Variants in KIAA0753 observed in about 807,000 individuals in gnomAD.
The protein encoded by KIAA0753 is protein moonraker.
A neutral mutation model predicts 116.9 loss-of-function variants in KIAA0753; 114 were observed. The ratio of observed to expected loss-of-function variants is 0.98; its 90% confidence interval spans 0.84 to 1.14. KIAA0753 has a LOEUF of 1.14. KIAA0753 is among the 50% of genes most tolerant of loss of function. The probability of loss-of-function intolerance (pLI) is 0.00; values close to 1 mark genes in which losing one functional copy is unlikely to be tolerated. For synonymous variants in KIAA0753, 405 were observed against 413.1 expected (o/e 0.98, Z 0.24); for missense variants, 1,156 against 1,172.4 (o/e 0.99, Z 0.20).
chr17:6,630,599 A>T (rs1971966444), intron 2 of KIAA0753, among the ~76,000 whole-genome samples: 1 of 152,134 alleles, frequency 6.6e-6, no homozygotes, highest in Non-Finnish European at 1.5e-5. Context: ...CTGTAGACAC[A>T]CCTCCAACAA....
chr17:6,579,937 C>T, intron 18 of KIAA0753, 73 bp from the exon 19 acceptor site: 1 of 1,078,694 alleles, frequency 9.3e-7, no homozygotes, highest in Non-Finnish European at 1.4e-6. Context: ...CATCCCAGCA[C>T]TTTGGGAGGC....
At chr17:6,587,221 G>C (rs1457221822) in intron 18 of KIAA0753, among the ~76,000 whole-genome samples, 1 of 151,994 alleles carries the variant, frequency 6.6e-6, no homozygotes, top group Non-Finnish European at 1.5e-5. Context: ...GACAGAGTGA[G>C]ACTCCATCTA....
At chr17:6,620,719 A>C in intron 7 of KIAA0753, 69 bp downstream of exon 7, 1 of 1,468,398 alleles carries the variant, frequency 6.8e-7, no homozygotes, top group Non-Finnish European at 9.5e-7. Context: ...CCCTCAGTGC[A>C]GTAACTGTTA....
chr17:6,620,932 G>T lies in KIAA0753; in HGVS notation c.1171C>A (p.Arg391=). The T allele has an allele frequency of 6.2e-7, 1 of 1,614,024 alleles. No homozygotes were observed. The highest frequency in any genetic ancestry group is 8.5e-7 in the Non-Finnish European group (1 of 1,179,994). ...TGGCTACCGATAGGAAATCTGCTCC[G>T]AATTTCACTGAAACATTTTTTCACC... ...KKVKKCFSEI[R]SRFPIGSQKA... Residue 391 remains arginine, a synonymous_variant, in exon 7 of 19, where the codon CGG becomes AGG. Transcript: ENST00000361413.
At chr17:6,611,543 T>C (rs1970546740) in intron 8 of KIAA0753, among the ~76,000 whole-genome samples, 1 of 152,052 alleles carries the variant, frequency 6.6e-6, no homozygotes, top group East Asian at 1.9e-4. Context: ...AGCAATCCTC[T>C]CGCTTCCCAA....
At chr17:6,630,529 T>C (rs1182925116) in intron 2 of KIAA0753, among the ~76,000 whole-genome samples, 1 of 152,080 alleles carries the variant, frequency 6.6e-6, no homozygotes, top group East Asian at 1.9e-4. Flanking sequence ...AGCAGGCAAC[T>C]TGAAGGACAA....
In KIAA0753 at chr17:6,619,451, A is replaced by C. The variant is rs1971155715; in HGVS notation, c.1315+1337T>G. On this transcript the variant is annotated intron_variant, in intron 7 of 18. Transcript: ENST00000361413. Reference sequence around the variant, plus strand: ...AGTTCTACTTTTTTTTTTTAAATCAAGGGTTCACTCTGTCACCCAGGCTGG... The same window carrying C: ...AGTTCTACTTTTTTTTTTTAAATCACGGGTTCACTCTGTCACCCAGGCTGG... Among the ~76,000 whole-genome samples the C allele has an allele frequency of 2.0e-5, 3 of 151,872 alleles. No homozygotes were observed. The South Asian group carries it at 6.2e-4, about 31-fold the overall frequency.
intron 1 of KIAA0753, chr17:6,636,869 C>T (rs1215631104): frequency 1.3e-5 from 2 of 152,288 alleles, no homozygotes; most frequent in African/African-American, 4.8e-5. Context: ...ACTCCTCCAG[C>T]CAGCCTCCTC....
rs1316199446 is a variant in KIAA0753 at position 6,579,571 on chromosome 17, A to G, written c.*176T>C. ...ATCATACATTTCCAGAACCATTGCC[A>G]TGACAAAAGAAAATGCAAAGTGAGG... On this transcript the variant is annotated 3_prime_UTR_variant, in exon 19 of 19. Transcript: ENST00000361413. 1.6e-6 allele frequency: 1 copy of G among 620,722 alleles called. No individual in the cohort carries two copies. The highest frequency in any genetic ancestry group is 2.9e-6 in the Non-Finnish European group (1 of 344,374). 38.5% of individuals were successfully genotyped at this position (620,722 alleles called of 1,614,324 possible). A position where few individuals can be genotyped will look rare whatever the true frequency, so the allele number is the denominator to read the frequency against.
In KIAA0753 at chr17:6,596,322, A is replaced by G; in HGVS notation, c.2194T>C (p.Ser732Pro). 2 of 1,500,458 alleles carry G rather than the reference A, an allele frequency of 1.3e-6. No individual in the cohort carries two copies. Among genetic ancestry groups the G allele is most frequent in the Non-Finnish European group, 1.8e-6 (2 of 1,109,684 alleles). 92.9% of individuals were successfully genotyped at this position (1,500,458 alleles called of 1,614,324 possible). A position where few individuals can be genotyped will look rare whatever the true frequency, so the allele number is the denominator to read the frequency against. Residue 732 changes from serine (S) to proline (P), a missense_variant, in exon 15 of 19, where the codon TCC (serine) becomes CCC (proline). Coordinates refer to ENST00000361413, the MANE Select transcript of KIAA0753 (RefSeq NM_014804.3). ...TCATCAAGCTGACGAATGTTGTTGG[A>G]TTCAAAATCAACAGCTGCAACCTAC... is the stretch of plus-strand genomic sequence containing the variant. ...AQEVAAVDFESNNIRQLDDFL... is the reference protein window; with the variant it reads ...AQEVAAVDFEPNNIRQLDDFL...
chr17:6,636,495 A>G (rs1972328680), intron 1 of KIAA0753: 1 of 152,240 alleles, frequency 6.6e-6, no homozygotes, highest in South Asian at 2.1e-4. Context: ...GCCTCAAGTG[A>G]TGCTACACAC....
rs185351548 is a variant in KIAA0753 at position 6,599,670 on chromosome 17, T to C, written c.2089-350A>G. Among the ~76,000 whole-genome samples, 4 of 152,256 alleles carry C rather than the reference T, an allele frequency of 2.6e-5. No individual in the cohort carries two copies. The East Asian group carries it at 7.7e-4, about 29-fold the overall frequency. On this transcript the variant is annotated intron_variant, in intron 13 of 18. Transcript: ENST00000361413. ...TTCCAGCCACTCCACAGCTCAAGAC[T>C]ACTTGACTTCTAAGAGTCTTCCTAG...
At chr17:6,632,016 G>A (rs908790052) in intron 2 of KIAA0753, among the ~76,000 whole-genome samples, 3 of 152,160 alleles carry the variant, frequency 2.0e-5, no homozygotes, top group African/African-American at 7.2e-5. Context: ...CCAAGTAGCT[G>A]AGATTATAGG....
chr17:6,633,276 T>A (rs1214826479), intron 2 of KIAA0753, among the ~76,000 whole-genome samples: 1 of 152,226 alleles, frequency 6.6e-6, no homozygotes, highest in Non-Finnish European at 1.5e-5. Context: ...TGGACTATTC[T>A]TGCAACTTTT....
At chr17:6,596,466 T>C in intron 14 of KIAA0753, 123 bp from the exon 15 acceptor site, 1 of 714,800 alleles carries the variant, frequency 1.4e-6, no homozygotes, top group Non-Finnish European at 2.3e-6. Context: ...AGCATACAGA[T>C]CCAAATGGCA....
In KIAA0753 at chr17:6,620,799, T is replaced by G. The variant is rs887477458; in HGVS notation, c.1304A>C (p.Gln435Pro). 4 of 1,614,120 alleles carry G rather than the reference T, an allele frequency of 2.5e-6. No individual in the cohort carries two copies. The highest frequency in any genetic ancestry group is 2.5e-6 in the Non-Finnish European group (3 of 1,179,952). Residue 435 changes from glutamine to proline, a missense_variant, in exon 7 of 19, where the codon CAG (glutamine) becomes CCG (proline). By Grantham distance (76) the Gln-to-Pro change is moderately conservative (BLOSUM62 -1). Transcript: ENST00000361413. ...TTTAAGACACATACCGGCAAGAAGC[T>G]GCTTTGCTACAGAAGGTCGACTTGT... ...QETSRPSVAK[Q>P]LLADKYQPDT... is the part of the protein sequence containing the mutation.
chr17:6,621,721 A>C (rs940611487), intron 6 of KIAA0753, among the ~76,000 whole-genome samples: 1 of 152,228 alleles, frequency 6.6e-6, no homozygotes, highest in Non-Finnish European at 1.5e-5. Flanking sequence ...AGGTACTCTT[A>C]CTCAAGCTCA....
At position 6,634,165 on chromosome 17, in the gene KIAA0753, C is replaced by T. The variant is rs1338426425; in HGVS notation, c.93+846G>A. Among the ~76,000 whole-genome samples the T allele has an allele frequency of 2.0e-5, 3 of 148,680 alleles. No individual in the cohort carries two copies. The South Asian group carries it at 6.3e-4, about 31-fold the overall frequency. ...TCACCCAGGGTGGAGTGCAGTGGCA[C>T]AATCTCTGCTCACTGCAACCTCTGC... On this transcript the variant is annotated intron_variant, in intron 2 of 18. Coordinates refer to ENST00000361413, the MANE Select transcript of KIAA0753 (RefSeq NM_014804.3).
At chr17:6,623,667 TAACCATTATTAATTCA>T in intron 4 of KIAA0753, 96 bp from the exon 5 acceptor site, 1 of 1,443,530 alleles carries the variant, frequency 6.9e-7, no homozygotes, top group Non-Finnish European at 9.1e-7. Context: ...TGTCCAAATA[TAACCATTATTAATTCA>T]AGTCACTTGA....
Sources: allele counts gnomAD v4.1 joint callset (sites outside exome capture counted in the v4.1 genomes callset), GRCh38; gene constraint gnomAD v4.1.1; transcripts MANE v1.5; gene names NCBI Gene and HGNC (gene_info 2026-07-23, HGNC 2026-07-21).